The following ABCC11 variants were observed in gnomAD, a reference collection of about 807,000 sequenced individuals.
ABCC11 encodes the protein ATP binding cassette subfamily C member 11, also known as ATP-binding cassette sub-family C member 11.
Under a neutral mutation model 149.3 loss-of-function variants are expected in ABCC11, and 135 were observed. The observed-to-expected ratio is 0.90, with a 90% CI of 0.79 to 1.04. ABCC11 has a LOEUF of 1.04. Ranked by LOEUF, ABCC11 falls within the 50% of genes least tolerant of loss-of-function variation. The probability of loss-of-function intolerance (pLI) is 0.00; values close to 1 mark genes in which losing one functional copy is unlikely to be tolerated. For missense variants in ABCC11, 1,680 were observed against 1,722.1 expected (o/e 0.98, Z 0.43); for synonymous variants, 665 against 671.4 (o/e 0.99, Z 0.15).
chr16:48,224,069 T>G (rs1969918378), intron 5 of ABCC11, among the ~76,000 whole-genome samples: 1 of 152,114 alleles, frequency 6.6e-6, no homozygotes. Flanking sequence ...GGACATGGTT[T>G]GAATCCAAGC....
intron 23 of ABCC11, among the ~76,000 whole-genome samples, chr16:48,180,966 G>A (rs979496345): frequency 6.6e-6 from 1 of 152,202 alleles, no homozygotes; most frequent in Non-Finnish European, 1.5e-5. Context: ...CCCCAGGCAG[G>A]GTTTCCCATT....
At chr16:48,197,805 C>A (rs900418034) in intron 17 of ABCC11, among the ~76,000 whole-genome samples, 166 bp downstream of exon 17, 1 of 152,170 alleles carries the variant, frequency 6.6e-6, no homozygotes, top group African/African-American at 2.4e-5. Context: ...CAGTCTACAC[C>A]CCATGGCCCT....
intron 6 of ABCC11, among the ~76,000 whole-genome samples, chr16:48,222,158 G>A (rs1333744170): frequency 6.6e-6 from 1 of 151,386 alleles, no homozygotes; most frequent in Non-Finnish European, 1.5e-5. Flanking sequence ...CAAACTCCTG[G>A]ATTCAAGCAA....
At chr16:48,222,242 C>T (rs1053634974) in intron 6 of ABCC11, among the ~76,000 whole-genome samples, 25 of 151,886 alleles carry the variant, frequency 1.6e-4, no homozygotes, top group African/African-American at 5.8e-4. Flanking sequence ...TTTGTTTTTG[C>T]TTTGTTTTGT....
chr16:48,232,024 G>T (rs968731970), intron 1 of ABCC11, 85 bp from the exon 2 acceptor site: 1 of 1,582,384 alleles, frequency 6.3e-7, no homozygotes, highest in South Asian at 1.2e-5. Context: ...CAGAAGAGGG[G>T]GCACTACCCT....
rs1969398006 is a variant in ABCC11 at position 48,217,126 on chromosome 16, C to T, written c.778-839G>A. ...CCAGTGTCAAAGTATTGGCTTCTAGCACATTAGGCAGTGAGCCCCTTTTGC... is the reference window on the plus strand; with the variant it reads ...CCAGTGTCAAAGTATTGGCTTCTAGTACATTAGGCAGTGAGCCCCTTTTGC... On this transcript the variant is annotated intron_variant, in intron 6 of 29. Coordinates refer to ENST00000356608, the MANE Select transcript of ABCC11 (RefSeq NM_001370497.1). Among the ~76,000 whole-genome samples, 3 of 152,126 alleles carry T rather than the reference C, an allele frequency of 2.0e-5. No homozygotes were observed. The South Asian group carries it at 6.2e-4, about 31-fold the overall frequency.
intron 2 of ABCC11, 149 bp from the exon 3 acceptor site, chr16:48,230,722 C>G (rs1045248031): frequency 1.0e-6 from 1 of 975,410 alleles, no homozygotes; most frequent in Non-Finnish European, 1.4e-6. Context: ...AGCAGGGGAC[C>G]GAGAGTCAGG....
chr16:48,215,290 C>A lies in ABCC11; in HGVS notation c.1006G>T (p.Asp336Tyr). 1 of 1,614,084 alleles carries A rather than the reference C, an allele frequency of 6.2e-7. No homozygotes were observed. The highest frequency in any genetic ancestry group is 1.1e-5 in the South Asian group (1 of 91,048). The change falls in exon 8 of 30, where the codon GAC becomes TAC. Residue 336 changes from aspartate (D) to tyrosine (Y), a missense_variant. Physicochemically the swap from Asp to Tyr is radical, Grantham distance 160. Coordinates refer to ENST00000356608, the MANE Select transcript of ABCC11 (RefSeq NM_001370497.1). ...KAQHHTSEVSDQRIRVTSEVL... is the reference protein window; with the variant it reads ...KAQHHTSEVSYQRIRVTSEVL... ...TCACTGGTCACACGGATGCGCTGGT[C>A]GCTGACCTCAGATGTGTGATGCTGA...
chr16:48,233,419 GC>G (rs1567292286), intron 1 of ABCC11, among the ~76,000 whole-genome samples: 1 of 152,012 alleles, frequency 6.6e-6, no homozygotes, highest in Admixed American at 6.6e-5. Flanking sequence ...AGGGCACCAG[GC>G]CATAGGCTTA....
rs1429907561 is a variant in ABCC11 at position 48,169,621 on chromosome 16, A to G, written c.3891+484T>C. Among the ~76,000 whole-genome samples, 3 of 152,038 alleles carry G rather than the reference A, an allele frequency of 2.0e-5. No individual in the cohort carries two copies. In the East Asian group the frequency reaches 5.8e-4, roughly 29 times the overall value. ...ATGAGTTCATGTCCTTTGTAGGGACATGGATGAAGCTGGAAACCATCACTC... is the reference window on the plus strand; with the variant it reads ...ATGAGTTCATGTCCTTTGTAGGGACGTGGATGAAGCTGGAAACCATCACTC... On this transcript the variant is annotated intron_variant, in intron 28 of 29. Coordinates refer to ENST00000356608, the MANE Select transcript of ABCC11 (RefSeq NM_001370497.1).
intron 23 of ABCC11, among the ~76,000 whole-genome samples, chr16:48,183,760 C>A (rs149954356): frequency 1.4e-3 from 206 of 152,272 alleles, no homozygotes; most frequent in Middle Eastern, 3.4e-3. Context: ...GAGATCCTAT[C>A]TCAAAAAATA....
At position 48,242,656 on chromosome 16, in the gene ABCC11, T is replaced by A. The variant is rs576180758; in HGVS notation, c.-19+4658A>T. Among the ~76,000 whole-genome samples, 1,444 of 152,262 alleles carry A rather than the reference T, an allele frequency of 9.5e-3. 11 individuals carry two copies. Among genetic ancestry groups the A allele is most frequent in the Non-Finnish European group, 0.015 (1,050 of 68,020 alleles). On this transcript the variant is annotated intron_variant, in intron 1 of 29. Coordinates refer to ENST00000356608, the MANE Select transcript of ABCC11 (RefSeq NM_001370497.1). Reference sequence around the variant, plus strand: ...GACTTGGAACCAACCCAAATGTCCATCAATGATAGACTGGATTAAGAAAAT... The same window carrying A: ...GACTTGGAACCAACCCAAATGTCCAACAATGATAGACTGGATTAAGAAAAT...
intron 1 of ABCC11, 86 bp from the exon 2 acceptor site, chr16:48,232,025 G>C: frequency 6.3e-7 from 1 of 1,575,992 alleles, no homozygotes; most frequent in Non-Finnish European, 8.6e-7. Flanking sequence ...AGAAGAGGGG[G>C]CACTACCCTG....
intron 24 of ABCC11, among the ~76,000 whole-genome samples, chr16:48,177,620 A>C (rs1326842374): frequency 2.0e-5 from 3 of 152,236 alleles, no homozygotes; most frequent in African/African-American, 4.8e-5. Context: ...TTCAGGTTGG[A>C]ACTCAAACCC....
In ABCC11 at chr16:48,217,261, CT is replaced by C. The variant is rs1969408636; in HGVS notation, c.778-975del. On this transcript the variant is annotated intron_variant, in intron 6 of 29. Coordinates refer to ENST00000356608, the MANE Select transcript of ABCC11 (RefSeq NM_001370497.1). The stretch of plus-strand genomic sequence containing the variant: ...TTAATTAAATTTTCTCCTTTTTTTT[CT>C]TTTTTGTTATAGATTCTTCTGCCTA... 2.0e-5 allele frequency among the ~76,000 whole-genome samples: 3 copies of C among 151,136 alleles called. No individual in the cohort carries two copies. In the South Asian group the frequency reaches 6.3e-4, roughly 32 times the overall value.
At chr16:48,195,255 G>A (rs1274350185) in intron 18 of ABCC11, among the ~76,000 whole-genome samples, 1 of 152,188 alleles carries the variant, frequency 6.6e-6, no homozygotes, top group African/African-American at 2.4e-5. Flanking sequence ...CTCCCCTCTA[G>A]AGCTTGGCAC....
chr16:48,222,897 T>C (rs1969841204), intron 5 of ABCC11, 66 bp from the exon 6 acceptor site: 1 of 1,385,592 alleles, frequency 7.2e-7, no homozygotes. Context: ...GTTTTGTTGC[T>C]GGAAGAAGGG....
Position 48,178,697 on chromosome 16 carries a change from G to A in ABCC11, c.3259-11C>T, listed in dbSNP as rs775992917. ...GAAGCTGGACGCCAGCTAGAAGGAAGGAGAAGTATCGGGGGTCAAGAGGCT... is the reference window on the plus strand; with the variant it reads ...GAAGCTGGACGCCAGCTAGAAGGAAAGAGAAGTATCGGGGGTCAAGAGGCT... On this transcript the variant is annotated splice_polypyrimidine_tract_variant and intron_variant, in intron 23 of 29. Transcript: ENST00000356608. 6.2e-7 allele frequency: 1 copy of A among 1,613,842 alleles called. No homozygotes were observed. The highest frequency in any genetic ancestry group is 8.5e-7 in the Non-Finnish European group (1 of 1,179,832).
At chr16:48,235,423 C>T (rs1352393913) in intron 1 of ABCC11, among the ~76,000 whole-genome samples, 1 of 152,234 alleles carries the variant, frequency 6.6e-6, no homozygotes, top group Non-Finnish European at 1.5e-5. Flanking sequence ...ATTCAAGATT[C>T]ATCCAGGAAA....
Sources: gnomAD v4.1 joint callset for allele counts (sites outside exome capture counted in the v4.1 genomes callset) on GRCh38, gnomAD v4.1.1 for gene constraint, MANE v1.5 for transcripts, NCBI Gene and HGNC (gene_info 2026-07-23, HGNC 2026-07-21) for gene names.